The following PINX1 variants were observed in gnomAD, a reference collection of about 807,000 sequenced individuals.
PINX1 encodes the protein PIN2 (TERF1) interacting telomerase inhibitor 1, also known as PIN2/TERF1-interacting telomerase inhibitor 1.
Under a neutral mutation model 25.4 loss-of-function variants are expected in PINX1, and 34 were observed. That is an observed-to-expected ratio of 1.34 (90% confidence interval 1.02 to 1.78). The LOEUF is 1.78. PINX1 is among the 40% of genes most tolerant of loss of function. PINX1 has a pLI of 0.00. For synonymous variants in PINX1, 197 were observed against 147.7 expected, an observed-to-expected ratio of 1.33 and a Z score of -2.42; for missense variants, 592 against 404.9, an observed-to-expected ratio of 1.46 and a Z score of -3.97.
intron 6 of PINX1, among the ~76,000 whole-genome samples, chr8:10,815,353 TTGATA>T (rs1797666487): frequency 6.6e-6 from 1 of 152,248 alleles, no homozygotes; most frequent in Non-Finnish European, 1.5e-5. Flanking sequence ...TTGTTTCGCT[TTGATA>T]TAATTTTCTT....
At chr8:10,791,138 T>A (rs1239058893) in intron 6 of PINX1, among the ~76,000 whole-genome samples, 1 of 152,062 alleles carries the variant, frequency 6.6e-6, no homozygotes, top group Non-Finnish European at 1.5e-5. Context: ...GGTCTTGAAT[T>A]CCTGACCTCG....
chr8:10,811,490 TC>T (rs1554491524), intron 6 of PINX1, among the ~76,000 whole-genome samples: 3 of 152,178 alleles, frequency 2.0e-5, no homozygotes, highest in Non-Finnish European at 4.4e-5. Flanking sequence ...CAATAAACCA[TC>T]CTGACACTCA....
intron 6 of PINX1, among the ~76,000 whole-genome samples, chr8:10,811,241 T>A (rs10105487): frequency 0.37 from 56,339 of 152,106 alleles, 11,121 homozygotes; most frequent in African/African-American, 0.51. Context: ...AAACTACTCT[T>A]GGGCTCAAAT....
intron 6 of PINX1, among the ~76,000 whole-genome samples, chr8:10,814,863 C>T (rs904554502): frequency 6.6e-6 from 1 of 152,300 alleles, no homozygotes; most frequent in East Asian, 1.9e-4. Flanking sequence ...AACAAAAATC[C>T]TCTCTAAGGT....
intron 6 of PINX1, among the ~76,000 whole-genome samples, chr8:10,775,007 A>T (rs1801343367): frequency 6.6e-6 from 1 of 152,190 alleles, no homozygotes; most frequent in African/African-American, 2.4e-5. Context: ...TTTTTAGCAT[A>T]GACAAAAACT....
intron 6 of PINX1, among the ~76,000 whole-genome samples, chr8:10,818,182 G>C (rs1797757843): frequency 6.6e-6 from 1 of 152,182 alleles, no homozygotes; most frequent in Non-Finnish European, 1.5e-5. Context: ...GGAAGAGAGA[G>C]AGAGATGTGA....
At chr8:10,812,527 C>G (rs1056867009) in intron 6 of PINX1, among the ~76,000 whole-genome samples, 1 of 152,194 alleles carries the variant, frequency 6.6e-6, no homozygotes, top group African/African-American at 2.4e-5. Context: ...CAGGCTGCTT[C>G]CTTTTCCTGA....
intron 3 of PINX1, among the ~76,000 whole-genome samples, chr8:10,832,293 T>G (rs548451564): frequency 6.6e-6 from 1 of 152,152 alleles, no homozygotes; most frequent in African/African-American, 2.4e-5. Context: ...TATAAAAAAA[T>G]GAACCTGGCT....
intron 6 of PINX1, among the ~76,000 whole-genome samples, chr8:10,792,165 G>A (rs980391825): frequency 2.0e-5 from 3 of 152,098 alleles, no homozygotes; most frequent in African/African-American, 4.8e-5. Flanking sequence ...AGCAGGCCCC[G>A]CAGATGCGCT....
At chr8:10,792,462 G>A (rs755919839) in intron 6 of PINX1, among the ~76,000 whole-genome samples, 4 of 152,098 alleles carry the variant, frequency 2.6e-5, no homozygotes, top group South Asian at 2.1e-4. Context: ...TCCCTCCCCC[G>A]TGACGCTGTG....
At chr8:10,816,115 G>C (rs1797689248) in intron 6 of PINX1, among the ~76,000 whole-genome samples, 1 of 152,174 alleles carries the variant, frequency 6.6e-6, no homozygotes, top group Non-Finnish European at 1.5e-5. Flanking sequence ...GGAGGCCTTG[G>C]TGGTAATGAA....
chr8:10,833,036 A>T (rs189975185), intron 2 of PINX1, 52 bp from the exon 3 acceptor site: 1 of 532,128 alleles, frequency 1.9e-6, no homozygotes. Context: ...TGATACTCAG[A>T]AGCAGAGCAC....
At chr8:10,820,869 T>G (rs1421828259) in intron 5 of PINX1, among the ~76,000 whole-genome samples, 1 of 152,242 alleles carries the variant, frequency 6.6e-6, no homozygotes, top group Non-Finnish European at 1.5e-5. Flanking sequence ...TGTTCTTTAC[T>G]GCTCTAGCTA....
At chr8:10,770,331 T>C (rs1198822000) in intron 6 of PINX1, among the ~76,000 whole-genome samples, 1 of 152,178 alleles carries the variant, frequency 6.6e-6, no homozygotes, top group African/African-American at 2.4e-5. Flanking sequence ...CTCTGGCAAT[T>C]CCGAATTATC....
intron 5 of PINX1, among the ~76,000 whole-genome samples, chr8:10,821,412 G>A (rs908771818): frequency 6.6e-5 from 10 of 152,198 alleles, no homozygotes; most frequent in African/African-American, 2.4e-4. Context: ...TGGCCCAGGC[G>A]GTATGACCTG....
At chr8:10,829,155 G>A (rs1217377687) in intron 4 of PINX1, among the ~76,000 whole-genome samples, 2 of 151,886 alleles carry the variant, frequency 1.3e-5, no homozygotes, top group Non-Finnish European at 1.5e-5. Context: ...GCGTGGTGGT[G>A]TGCACCTGTA....
intron 6 of PINX1, among the ~76,000 whole-genome samples, chr8:10,803,314 T>A (rs957316517): frequency 1.3e-5 from 2 of 152,224 alleles, no homozygotes; most frequent in Non-Finnish European, 2.9e-5. Flanking sequence ...CATTAGCACA[T>A]CTAATCAAAC....
chr8:10,820,120 G>GA (rs1797820993), intron 6 of PINX1, 73 bp downstream of exon 6: 1 of 955,294 alleles, frequency 1.0e-6, no homozygotes, highest in Non-Finnish European at 1.7e-6. Context: ...GTCATAGATA[G>GA]AAACAGTCCT....
At chr8:10,797,168 C>G (rs538915356) in intron 6 of PINX1, among the ~76,000 whole-genome samples, 1 of 152,158 alleles carries the variant, frequency 6.6e-6, no homozygotes, top group East Asian at 1.9e-4. Context: ...GGGGTCTTCA[C>G]GCTCACTAGT....
Sources: allele counts gnomAD v4.1 joint callset (sites outside exome capture counted in the v4.1 genomes callset), GRCh38; gene constraint gnomAD v4.1.1; transcripts MANE v1.5; gene names NCBI Gene and HGNC (gene_info 2026-07-23, HGNC 2026-07-21).